The following CDK13 variants were observed in gnomAD, a reference collection of about 807,000 sequenced individuals.
CDK13 encodes the protein cyclin-dependent kinase 13.
A neutral mutation model predicts 137.6 loss-of-function variants in CDK13; 40 were observed. The ratio of observed to expected loss-of-function variants is 0.29; its 90% CI spans 0.23 to 0.38. CDK13 has a LOEUF of 0.38. Among genes scored for constraint, CDK13 ranks in the 10% least tolerant of loss-of-function variants. CDK13 has a pLI of 1.00. For missense variants in CDK13, 1,704 were observed against 1,951.8 expected (o/e 0.87, Z 2.39); for synonymous variants, 869 against 760.1 (o/e 1.14, Z -2.36).
At chr7:39,954,137 C>G (rs918004434) in intron 1 of CDK13, among the ~76,000 whole-genome samples, 3 of 152,014 alleles carry the variant, frequency 2.0e-5, no homozygotes, top group Non-Finnish European at 1.5e-5. Context: ...GTATGCTAAC[C>G]CTTTAAAATA....
Position 40,094,192 on chromosome 7 carries a change from C to T in CDK13, c.3751C>T (p.Arg1251Trp), listed in dbSNP as rs142580514. Reference sequence around the variant, plus strand: ...CTTGGAGCTAACGCCAGAACCAGACCGGCCTCGAATTCTGCCTCCTGACCA... The same window carrying T: ...CTTGGAGCTAACGCCAGAACCAGACTGGCCTCGAATTCTGCCTCCTGACCA... ...RILELTPEPDRPRILPPDQRP... is the reference protein window; with the variant it reads ...RILELTPEPDWPRILPPDQRP... The change falls in exon 14 of 14, where the codon CGG becomes TGG. Residue 1251 changes from arginine (R) to tryptophan (W), a missense_variant. Transcript: ENST00000181839. 4.1e-5 allele frequency: 66 copies of T among 1,613,836 alleles called. No individual in the cohort carries two copies. Among genetic ancestry groups the T allele is most frequent in the African/African-American group, 1.1e-4 (8 of 74,860 alleles).
intron 7 of CDK13, among the ~76,000 whole-genome samples, chr7:40,059,038 T>C (rs1786082671): frequency 1.3e-5 from 2 of 151,416 alleles, no homozygotes; most frequent in African/African-American, 4.9e-5. Flanking sequence ...CTGGTTTAGG[T>C]ATTTCATTTT....
chr7:40,020,523 T>A (rs1785095157), intron 5 of CDK13, among the ~76,000 whole-genome samples: 1 of 152,210 alleles, frequency 6.6e-6, no homozygotes. Flanking sequence ...TAAGAAAGGC[T>A]AAACTGGCAT....
In CDK13 at chr7:39,988,173, A is replaced by C. The variant is rs757977577; in HGVS notation, c.1786A>C (p.Lys596Gln). Residue 596 changes from lysine (K) to glutamine (Q), a missense_variant, in exon 2 of 14, where the codon AAG (lysine) becomes CAG (glutamine). Transcript: ENST00000181839. Reference protein sequence around the residue: ...PLTPSIGAKEKEQHVALVTST... With the variant: ...PLTPSIGAKEQEQHVALVTST... ...TACACCAAGCATAGGAGCCAAGGAGAAGGAGCAACATGTAGCTTTAGTCAC... is the reference window on the plus strand; with the variant it reads ...TACACCAAGCATAGGAGCCAAGGAGCAGGAGCAACATGTAGCTTTAGTCAC... The C allele has an allele frequency of 2.5e-6, 4 of 1,614,130 alleles. No homozygotes were observed. In the South Asian group the frequency reaches 4.4e-5, roughly 18 times the overall value.
At position 39,988,209 on chromosome 7, in the gene CDK13, C is replaced by T. The variant is rs1784382548; in HGVS notation, c.1822C>T (p.Pro608Ser). ...TGTAGCTTTAGTCACCTCTACATTACCACCGTTACCTTTGCCTCCCATGCT... is the reference window on the plus strand; with the variant it reads ...TGTAGCTTTAGTCACCTCTACATTATCACCGTTACCTTTGCCTCCCATGCT... Reference protein sequence around the residue: ...QHVALVTSTLPPLPLPPMLPE... With the variant: ...QHVALVTSTLSPLPLPPMLPE... The change falls in exon 2 of 14, where the codon CCA becomes TCA. Residue 608 changes from proline (P) to serine (S), a missense_variant. Physicochemically the swap from Pro to Ser is moderately conservative, Grantham distance 74. Around this residue, in one of 5 missense-constraint regions of CDK13, gnomAD observed 1,051 missense variants for 931.0 expected, o/e 1.13. Coordinates refer to ENST00000181839, the MANE Select transcript of CDK13 (RefSeq NM_003718.5). 1 of 1,611,472 alleles carries T rather than the reference C, an allele frequency of 6.2e-7. No homozygotes were observed. The highest frequency in any genetic ancestry group is 8.5e-7 in the Non-Finnish European group (1 of 1,179,420).
chr7:39,988,359 G>C (rs1784386531), intron 2 of CDK13, 101 bp downstream of exon 2: 2 of 799,826 alleles, frequency 2.5e-6, no homozygotes, highest in Non-Finnish European at 3.9e-6. Flanking sequence ...AACAACTTTA[G>C]TGAAAAAGAC....
intron 5 of CDK13, among the ~76,000 whole-genome samples, chr7:40,007,241 AG>A (rs949313775): frequency 6.6e-6 from 1 of 152,224 alleles, no homozygotes; most frequent in African/African-American, 2.4e-5. Context: ...CTAAAAATCA[AG>A]AAGACAGTAT....
chr7:40,032,964 A>ATAC (rs1785411088), intron 5 of CDK13, among the ~76,000 whole-genome samples: 1 of 152,252 alleles, frequency 6.6e-6, no homozygotes, highest in Non-Finnish European at 1.5e-5. Flanking sequence ...CTTTAAATGC[A>ATAC]TACAGCAAGT....
chr7:39,999,599 A>T, intron 4 of CDK13, 99 bp downstream of exon 4: 1 of 1,194,592 alleles, frequency 8.4e-7, no homozygotes, highest in Non-Finnish European at 1.2e-6. Flanking sequence ...CAAAAAATTA[A>T]ATTCAATTTT....
chr7:40,092,795 C>T lies in CDK13; in HGVS notation c.3246C>T (p.Gly1082=), dbSNP rs777060742. Residue 1082 remains glycine, a synonymous_variant, in exon 13 of 14, where the codon GGC becomes GGT. Coordinates refer to ENST00000181839, the MANE Select transcript of CDK13 (RefSeq NM_003718.5). ...TAATTTTGTCTTTAGTAAAAACAGG[C>T]CCTGGACAGCACTTAAACCACAGTG... ...GSSNVAPVKT[G]PGQHLNHSEL... is the part of the protein sequence containing the mutation. 6.2e-7 allele frequency: 1 copy of T among 1,613,272 alleles called. No individual in the cohort carries two copies. Among genetic ancestry groups the T allele is most frequent in the Non-Finnish European group, 8.5e-7 (1 of 1,179,466 alleles).
rs565755307 is a variant in CDK13 at position 40,067,079 on chromosome 7, C to T, written c.2780+3979C>T. 5.9e-5 allele frequency among the ~76,000 whole-genome samples: 9 copies of T among 152,226 alleles called. No individual in the cohort carries two copies. In the East Asian group the frequency reaches 1.5e-3, roughly 26 times the overall value. On this transcript the variant is annotated intron_variant, in intron 9 of 13. Transcript: ENST00000181839. ...TATCAGCATTATTCGAAGAGTTTCA[C>T]TTGAATTATCTCAGTTAAGCTTCGT... is the stretch of plus-strand genomic sequence containing the variant.
chr7:39,964,587 AT>A (rs370233058), intron 1 of CDK13, among the ~76,000 whole-genome samples: 133 of 142,006 alleles, frequency 9.4e-4, no homozygotes, highest in African/African-American at 1.9e-3. Flanking sequence ...GGATTCATTG[AT>A]TTTTTTTTTT....
chr7:39,966,488 G>A (rs552482745), intron 1 of CDK13, among the ~76,000 whole-genome samples: 51 of 152,214 alleles, frequency 3.4e-4, no homozygotes, highest in Admixed American at 1.0e-3. Context: ...CTGTGCGTTG[G>A]TTATTCTAGT....
chr7:39,952,790 T>TA (rs1218316765), intron 1 of CDK13: 3 of 151,880 alleles, frequency 2.0e-5, no homozygotes, highest in Non-Finnish European at 4.4e-5. Flanking sequence ...TAATTTAATT[T>TA]AATGAAATTG....
At chr7:40,070,245 TAAATA>T (rs903366609) in intron 9 of CDK13, 3 of 140,780 alleles carry the variant, frequency 2.1e-5, no homozygotes, top group African/African-American at 8.0e-5. Flanking sequence ...ATCTCAAAAA[TAAATA>T]AAAAAACAAT....
intron 13 of CDK13, 104 bp from the exon 14 acceptor site, chr7:40,094,025 GA>G: frequency 1.5e-6 from 2 of 1,324,784 alleles, no homozygotes. Context: ...GCCAGAGATG[GA>G]ACTTCTAATC....
chr7:39,965,106 T>G lies in CDK13; in HGVS notation c.1211+13254T>G, dbSNP rs1196883693. ...TGAAAAGAATGTATATTCTGTTGATTTGGGGTGGAGAGTTCTGTAGATGTC... is the reference window on the plus strand; with the variant it reads ...TGAAAAGAATGTATATTCTGTTGATGTGGGGTGGAGAGTTCTGTAGATGTC... On this transcript the variant is annotated intron_variant, in intron 1 of 13. Coordinates refer to ENST00000181839, the MANE Select transcript of CDK13 (RefSeq NM_003718.5). 2.0e-5 allele frequency among the ~76,000 whole-genome samples: 3 copies of G among 152,320 alleles called. No homozygotes were observed. In the East Asian group the frequency reaches 5.8e-4, roughly 29 times the overall value.
chr7:40,057,493 A>G (rs1786046460), intron 7 of CDK13, among the ~76,000 whole-genome samples: 1 of 152,152 alleles, frequency 6.6e-6, no homozygotes, highest in Non-Finnish European at 1.5e-5. Flanking sequence ...CTTATGTTCC[A>G]CTGGAGAGCA....
chr7:39,997,509 T>A lies in CDK13; in HGVS notation c.1887T>A (p.Ile629=). 1 of 1,595,788 alleles carries A rather than the reference T, an allele frequency of 6.3e-7. No homozygotes were observed. Among genetic ancestry groups the A allele is most frequent in the Non-Finnish European group, 8.5e-7 (1 of 1,175,988 alleles). The change falls in exon 3 of 14, where the codon ATT becomes ATA. Residue 629 remains isoleucine, a synonymous_variant. Transcript: ENST00000181839. ...TCACTTTCAGCTTACGAGGAAATAT[T>A]TCAGTAAAAGCAGTTAAAAAAGAAG... The part of the protein sequence containing the change: ...DKEADSLRGN[I]SVKAVKKEVE...
Sources: gnomAD v4.1 joint callset for allele counts (sites outside exome capture counted in the v4.1 genomes callset) on GRCh38, gnomAD v4.1.1 for gene constraint, gnomAD v4.1.1 regional missense constraint, MANE v1.5 for transcripts, NCBI Gene and HGNC (gene_info 2026-07-23, HGNC 2026-07-21) for gene names.